GRIK3: variants seen among roughly 807,000 people sequenced by gnomAD.
GRIK3 encodes glutamate ionotropic receptor kainate type subunit 3.
In GRIK3, 29 loss-of-function variants were observed where a neutral mutation model predicts 102.5. The ratio of observed to expected loss-of-function variants is 0.28; its 90% CI spans 0.21 to 0.39. GRIK3 has a LOEUF of 0.39. GRIK3 is among the 10% of genes least tolerant of loss of function. The pLI is 1.00. For synonymous variants in GRIK3, 511 were observed against 504.9 expected (o/e 1.01, Z -0.16); for missense variants, 908 against 1,252.4 (o/e 0.73, Z 4.15).
chr1:36,903,401 G>A (rs1395224172), intron 1 of GRIK3, among the ~76,000 whole-genome samples: 1 of 152,214 alleles, frequency 6.6e-6, no homozygotes. Flanking sequence ...CACTTTGAAA[G>A]AAAAGTTTTT....
At position 36,962,881 on chromosome 1, in the gene GRIK3, C is replaced by T. The variant is rs557818403; in HGVS notation, c.115+71113G>A. ...CCTGGGCAACAGAGCGAGACTCCCTCTCAAAAAAAAAAAAAAAAAAAGGAG... is the reference window on the plus strand; with the variant it reads ...CCTGGGCAACAGAGCGAGACTCCCTTTCAAAAAAAAAAAAAAAAAAAGGAG... On this transcript the variant is annotated intron_variant, in intron 1 of 15. Transcript: ENST00000373091. Among the ~76,000 whole-genome samples the T allele has an allele frequency of 2.0e-4, 17 of 86,946 alleles. No individual in the cohort carries two copies. The South Asian group carries it at 6.0e-3, about 31-fold the overall frequency. 57.0% of individuals were successfully genotyped at this position (86,946 alleles called of 152,430 possible). A position where few individuals can be genotyped will look rare whatever the true frequency, so the allele number is the denominator to read the frequency against.
In GRIK3 at chr1:37,013,949, A is replaced by T. The variant is rs187003059; in HGVS notation, c.115+20045T>A. On this transcript the variant is annotated intron_variant, in intron 1 of 15. Transcript: ENST00000373091. ...GCCTTGCCCCAGCCCCTTGCACCCC[A>T]AGCCCTAGCCACATGGGCCTTCTTT... 2.7e-3 allele frequency among the ~76,000 whole-genome samples: 415 copies of T among 152,276 alleles called. 1 individual carries two copies. Among genetic ancestry groups the T allele is most frequent in the African/African-American group, 9.5e-3 (395 of 41,548 alleles).
At chr1:36,908,560 C>G (rs1315273721) in intron 1 of GRIK3, among the ~76,000 whole-genome samples, 8 of 152,190 alleles carry the variant, frequency 5.3e-5, no homozygotes, top group Admixed American at 4.6e-4. Context: ...TCCACTGGCT[C>G]CTCTCCATTC....
chr1:36,831,219 G>C (rs1219754003), intron 10 of GRIK3, among the ~76,000 whole-genome samples: 1 of 152,194 alleles, frequency 6.6e-6, no homozygotes, highest in African/African-American at 2.4e-5. Flanking sequence ...CCTGAGCCCA[G>C]TGTTGCATTC....
chr1:36,821,766 G>A (rs951691486), intron 11 of GRIK3, among the ~76,000 whole-genome samples: 1 of 152,202 alleles, frequency 6.6e-6, no homozygotes, highest in Non-Finnish European at 1.5e-5. Flanking sequence ...GCCATGAAGA[G>A]AGGCCTTGCC....
Position 36,805,105 on chromosome 1 carries a change from A to G in GRIK3, c.2447T>C (p.Leu816Pro). 6.2e-7 allele frequency: 1 copy of G among 1,614,198 alleles called. No homozygotes were observed. The highest frequency in any genetic ancestry group is 8.5e-7 in the Non-Finnish European group (1 of 1,180,042). The part of the protein sequence containing the change: ...PEEENKEASA[L>P]GIQKIGGIFI... ...GATGCCCCCGATCTTCTGGATCCCC[A>G]GGGCACTGGCCTCTTTGTTTTCCTC... Residue 816 changes from leucine to proline, a missense_variant, in exon 15 of 16, where the codon CTG (leucine) becomes CCG (proline). Coordinates refer to ENST00000373091, the MANE Select transcript of GRIK3 (RefSeq NM_000831.4).
At chr1:36,841,696 C>G in intron 10 of GRIK3, 40 bp downstream of exon 10, 2 of 1,549,956 alleles carry the variant, frequency 1.3e-6, no homozygotes, top group Non-Finnish European at 8.9e-7. Flanking sequence ...CCAAGTCTCC[C>G]CAGGGTCCTG....
At chr1:36,954,890 C>T (rs923861538) in intron 1 of GRIK3, among the ~76,000 whole-genome samples, 1 of 152,234 alleles carries the variant, frequency 6.6e-6, no homozygotes, top group Non-Finnish European at 1.5e-5. Context: ...CCCAGGGACA[C>T]ATGCCTGTGT....
chr1:36,960,582 C>T (rs1641995917), intron 1 of GRIK3, among the ~76,000 whole-genome samples: 1 of 152,180 alleles, frequency 6.6e-6, no homozygotes, highest in Non-Finnish European at 1.5e-5. Flanking sequence ...GGGTCCACTC[C>T]TGGGCTGGGC....
intron 10 of GRIK3, among the ~76,000 whole-genome samples, chr1:36,836,324 G>C (rs139548000): frequency 6.6e-6 from 1 of 152,212 alleles, no homozygotes; most frequent in Non-Finnish European, 1.5e-5. Context: ...AGCTAGTCAC[G>C]ACCCCACAAC....
intron 8 of GRIK3, among the ~76,000 whole-genome samples, chr1:36,852,183 ATGGTG>A (rs933612384): frequency 6.6e-6 from 1 of 152,148 alleles, no homozygotes; most frequent in Non-Finnish European, 1.5e-5. Context: ...GATGCTATAT[ATGGTG>A]TGAAATAATT....
chr1:36,989,032 C>T (rs537123368), intron 1 of GRIK3, among the ~76,000 whole-genome samples: 4 of 152,140 alleles, frequency 2.6e-5, no homozygotes, highest in Non-Finnish European at 4.4e-5. Context: ...CAACCCACCA[C>T]CTCCCCAGCC....
chr1:36,936,967 C>T (rs1641665665), intron 1 of GRIK3, among the ~76,000 whole-genome samples: 1 of 152,044 alleles, frequency 6.6e-6, no homozygotes, highest in African/African-American at 2.4e-5. Flanking sequence ...GGGTAGGATC[C>T]CCGCCACCCA....
chr1:36,965,433 C>T (rs1288530867), intron 1 of GRIK3, among the ~76,000 whole-genome samples: 2 of 152,014 alleles, frequency 1.3e-5, no homozygotes, highest in South Asian at 2.1e-4. Context: ...ACTGCCTTTG[C>T]GTGGGGGAAA....
intron 1 of GRIK3, among the ~76,000 whole-genome samples, chr1:36,911,546 A>C (rs1326214084): frequency 6.6e-6 from 1 of 152,084 alleles, no homozygotes; most frequent in Non-Finnish European, 1.5e-5. Context: ...ATCTGAGCAG[A>C]GGATGTGCAC....
intron 7 of GRIK3, among the ~76,000 whole-genome samples, chr1:36,855,718 T>G (rs1343626765): frequency 2.0e-5 from 3 of 152,272 alleles, no homozygotes; most frequent in Non-Finnish European, 4.4e-5. Flanking sequence ...GGCTTCCATC[T>G]GTGCAGCTCC....
At chr1:37,019,484 T>C (rs1642687724) in intron 1 of GRIK3, among the ~76,000 whole-genome samples, 1 of 152,202 alleles carries the variant, frequency 6.6e-6, no homozygotes. Flanking sequence ...TGCAAGACTC[T>C]GGTCTAAACT....
intron 2 of GRIK3, among the ~76,000 whole-genome samples, chr1:36,888,586 C>G (rs1641068007): frequency 6.6e-6 from 1 of 152,326 alleles, no homozygotes; most frequent in Non-Finnish European, 1.5e-5. Flanking sequence ...GCTTCATCCA[C>G]TAGATTATAA....
intron 1 of GRIK3, among the ~76,000 whole-genome samples, chr1:36,902,446 T>A (rs1032190621): frequency 6.6e-6 from 1 of 152,190 alleles, no homozygotes; most frequent in African/African-American, 2.4e-5. Context: ...AGTCGACCGA[T>A]CTTTGACAAG....
Sources: gnomAD v4.1 joint callset for allele counts (sites outside exome capture counted in the v4.1 genomes callset) on GRCh38, gnomAD v4.1.1 for gene constraint, MANE v1.5 for transcripts, NCBI Gene and HGNC (gene_info 2026-07-23, HGNC 2026-07-21) for gene names.